SLC39A1: variants seen among roughly 807,000 people sequenced by gnomAD.
SLC39A1 encodes the protein zinc transporter ZIP1.
In SLC39A1, 17 loss-of-function variants were observed where a neutral mutation model predicts 21.4. The ratio of observed to expected loss-of-function variants is 0.79; its 90% CI spans 0.54 to 1.19. The LOEUF (loss-of-function observed/expected upper bound fraction) is 1.19. Ranked by LOEUF, SLC39A1 falls within the 50% of genes most tolerant of loss-of-function variation. The pLI, the probability that SLC39A1 is intolerant of heterozygous loss-of-function variation, is 0.00. For synonymous variants in SLC39A1, 183 were observed against 185.9 expected, an observed-to-expected ratio of 0.98 and a Z score of 0.13; for missense variants, 343 against 399.8, an observed-to-expected ratio of 0.86 and a Z score of 1.21.
chr1:153,964,873 G>C (rs1432050189), upstream of SLC39A1: 2 of 152,048 alleles, frequency 1.3e-5, no homozygotes, highest in African/African-American at 4.8e-5. Flanking sequence ...CCGGGAGCCG[G>C]AAATTGCAGT....
intron 1 of SLC39A1, chr1:153,962,981 G>T: frequency 2.6e-6 from 1 of 385,344 alleles, no homozygotes. Context: ...CATGAGAAAG[G>T]CTGTATGGAT....
upstream of SLC39A1, chr1:153,967,247 CT>C (rs1557880368): frequency 6.6e-6 from 1 of 152,276 alleles, no homozygotes; most frequent in African/African-American, 2.4e-5. Context: ...CACTGCTCGG[CT>C]TGCGGACGGG....
chr1:153,962,432 C>A (rs781084732), intron 2 of SLC39A1, 82 bp from the exon 3 acceptor site: 101 of 1,577,408 alleles, frequency 6.4e-5, no homozygotes, highest in Non-Finnish European at 8.5e-5. Context: ...CAATGGCTAC[C>A]CTTGCCTTTC....
chr1:153,961,948 G>A (rs547474026), intron 3 of SLC39A1, among the ~76,000 whole-genome samples: 1 of 152,142 alleles, frequency 6.6e-6, no homozygotes, highest in Non-Finnish European at 1.5e-5. Context: ...CTTGCTGGTA[G>A]CTAGAACTGA....
Position 153,959,824 on chromosome 1 carries a change from A to G in SLC39A1, c.*274T>C, listed in dbSNP as rs985997859. On this transcript the variant is annotated 3_prime_UTR_variant, in exon 4 of 4. Transcript: ENST00000356205. ...TGTATAGTGTCCAACCTCTGATTCTAGCAGTCAAGTGTCTTCCCCAATCCT... is the reference window on the plus strand; with the variant it reads ...TGTATAGTGTCCAACCTCTGATTCTGGCAGTCAAGTGTCTTCCCCAATCCT... 3 of 439,070 alleles carry G rather than the reference A, an allele frequency of 6.8e-6. No individual in the cohort carries two copies. The highest frequency in any genetic ancestry group is 4.1e-6 in the Non-Finnish European group (1 of 242,436). 27.2% of individuals were successfully genotyped at this position (439,070 alleles called of 1,614,324 possible).
In SLC39A1 at chr1:153,959,323, T is replaced by C; in HGVS notation, c.*775A>G. On this transcript the variant is annotated 3_prime_UTR_variant, in exon 4 of 4. Transcript: ENST00000356205. ...ATCTGGGCATGGGACACCATGTCCATGTCCCCATATTCCTAGGGTACAGCA... is the reference window on the plus strand; with the variant it reads ...ATCTGGGCATGGGACACCATGTCCACGTCCCCATATTCCTAGGGTACAGCA... 2.5e-6 allele frequency: 1 copy of C among 398,988 alleles called. No homozygotes were observed. The highest frequency in any genetic ancestry group is 3.6e-5 in the East Asian group (1 of 28,072). The allele number at this position is 398,988 out of a possible 1,614,324, so 24.7% of individuals were successfully genotyped here. A position where few individuals can be genotyped will look rare whatever the true frequency, so the allele number is the denominator to read the frequency against.
rs370004083 is a variant in SLC39A1, at chr1:153,962,303, C to G, written c.235G>C (p.Val79Leu). Residue 79 changes from valine to leucine, a missense_variant, in exon 3 of 4, where the codon GTC becomes CTC. Physicochemically the swap from Val to Leu is conservative, Grantham distance 32 (BLOSUM62 1). Coordinates refer to ENST00000356205, the MANE Select transcript of SLC39A1 (RefSeq NM_001271958.2). ...TCCAGGAGACAAGTGGCCAAAAAGACGCCCCCCGCGAAACAGCTTACTAGG... is the reference window on the plus strand; with the variant it reads ...TCCAGGAGACAAGTGGCCAAAAAGAGGCCCCCCGCGAAACAGCTTACTAGG... Reference protein sequence around the residue: ...LSLVSCFAGGVFLATCLLDLL... With the variant: ...LSLVSCFAGGLFLATCLLDLL... 3.1e-6 allele frequency: 5 copies of G among 1,614,014 alleles called. No individual in the cohort carries two copies. The East Asian group carries it at 1.1e-4, about 36-fold the overall frequency.
At chr1:153,962,400 G>C in intron 2 of SLC39A1, 50 bp from the exon 3 acceptor site, 1 of 1,595,498 alleles carries the variant, frequency 6.3e-7, no homozygotes, top group Non-Finnish European at 8.6e-7. Context: ...ACCCCCTCCA[G>C]GGCCGACCAC....
chr1:153,962,311 G>C lies in SLC39A1; in HGVS notation c.227C>G (p.Ala76Gly), dbSNP rs140573490. Reference sequence around the variant, plus strand: ...ACAAGTGGCCAAAAAGACGCCCCCCGCGAAACAGCTTACTAGGCTCAGGGC... The same window carrying C: ...ACAAGTGGCCAAAAAGACGCCCCCCCCGAAACAGCTTACTAGGCTCAGGGC... Reference protein sequence around the residue: ...QKALSLVSCFAGGVFLATCLL... With the variant: ...QKALSLVSCFGGGVFLATCLL... Residue 76 changes from alanine to glycine, a missense_variant, in exon 3 of 4, where the codon GCG becomes GGG. Physicochemically the swap from Ala to Gly is moderately conservative, Grantham distance 60. Coordinates refer to ENST00000356205, the MANE Select transcript of SLC39A1 (RefSeq NM_001271958.2). The C allele has an allele frequency of 6.2e-7, 1 of 1,614,112 alleles. No homozygotes were observed.
At chr1:153,965,508 A>G (rs1422699465), upstream of SLC39A1, among the ~76,000 whole-genome samples, 1 of 152,206 alleles carries the variant, frequency 6.6e-6, no homozygotes, top group Non-Finnish European at 1.5e-5. Flanking sequence ...ATTACTTCAC[A>G]TATTTATTTG....
Position 153,962,513 on chromosome 1 carries a change from A to G in SLC39A1, c.187+16T>C, listed in dbSNP as rs1371060988. 4 of 1,605,870 alleles carry G rather than the reference A, an allele frequency of 2.5e-6. No individual in the cohort carries two copies. Among genetic ancestry groups the G allele is most frequent in the Non-Finnish European group, 3.4e-6 (4 of 1,175,376 alleles). ...GCCAAGCATTCATAGCAGTGTGGGG[A>G]AAAGGAGAGGCTTACCTGAGCCTTC... On this transcript the variant is annotated intron_variant, in intron 2 of 3. Coordinates refer to ENST00000356205, the MANE Select transcript of SLC39A1 (RefSeq NM_001271958.2).
chr1:153,962,956 C>A (rs1020491473), intron 1 of SLC39A1: 1 of 419,278 alleles, frequency 2.4e-6, no homozygotes, highest in Non-Finnish European at 4.2e-6. Flanking sequence ...GGAGACTGCA[C>A]GGGGGAAACC....
chr1:153,962,485 T>A, intron 2 of SLC39A1, 44 bp downstream of exon 2: 1 of 1,591,232 alleles, frequency 6.3e-7, no homozygotes. Context: ...GAGCCCTCCC[T>A]AAGCCAAGCA....
chr1:153,967,249 T>G (rs1647846834), upstream of SLC39A1: 1 of 152,238 alleles, frequency 6.6e-6, no homozygotes, highest in Non-Finnish European at 1.5e-5. Context: ...CTGCTCGGCT[T>G]GCGGACGGGG....
At chr1:153,967,508 G>A (rs937055598), upstream of SLC39A1, 3 of 152,292 alleles carry the variant, frequency 2.0e-5, no homozygotes, top group East Asian at 3.9e-4. Context: ...CCCGCCGGCC[G>A]GACGCAGTGG....
At chr1:153,961,880 A>G (rs1449419159) in intron 3 of SLC39A1, among the ~76,000 whole-genome samples, 5 of 151,974 alleles carry the variant, frequency 3.3e-5, no homozygotes, top group Admixed American at 3.3e-4. Flanking sequence ...GCCTACAGAG[A>G]CCTCTATCTC....
In SLC39A1 at chr1:153,959,661, GA is replaced by G. The variant is rs1647238250; in HGVS notation, c.*436del. 2 of 238,368 alleles carry G rather than the reference GA, an allele frequency of 8.4e-6. No individual in the cohort carries two copies. The highest frequency in any genetic ancestry group is 1.6e-5 in the Non-Finnish European group (2 of 123,274). The allele number at this position is 238,368 out of a possible 1,614,324, so 14.8% of individuals were successfully genotyped here. On this transcript the variant is annotated 3_prime_UTR_variant, in exon 4 of 4. Coordinates refer to ENST00000356205, the MANE Select transcript of SLC39A1 (RefSeq NM_001271958.2). Reference sequence around the variant, plus strand: ...TGAGGGTAGGCGCTAAGAAGAGTAGGAGGGGTCCACTCCAAGTGGCAGGGTG... The same window carrying G: ...TGAGGGTAGGCGCTAAGAAGAGTAGGGGGGTCCACTCCAAGTGGCAGGGTG...
rs1194139454 is a variant in SLC39A1, at chr1:153,962,754, A to G, written c.-32-7T>C. On this transcript the variant is annotated splice_region_variant and splice_polypyrimidine_tract_variant and intron_variant, in intron 1 of 3. Coordinates refer to ENST00000356205, the MANE Select transcript of SLC39A1 (RefSeq NM_001271958.2). Reference sequence around the variant, plus strand: ...GCTCCAGTGACTCTCAGACCTAGGAAGACAGACCAGAGTGGTTGGGAAAAA... The same window carrying G: ...GCTCCAGTGACTCTCAGACCTAGGAGGACAGACCAGAGTGGTTGGGAAAAA... 2 of 1,491,450 alleles carry G rather than the reference A, an allele frequency of 1.3e-6. No individual in the cohort carries two copies. The highest frequency in any genetic ancestry group is 1.8e-6 in the Non-Finnish European group (2 of 1,121,184). 92.4% of individuals were successfully genotyped at this position (1,491,450 alleles called of 1,614,324 possible).
chr1:153,963,052 A>T (rs1647578640), intron 1 of SLC39A1: 1 of 228,764 alleles, frequency 4.4e-6, no homozygotes, highest in African/African-American at 2.3e-5. Context: ...CCGCCTCCAA[A>T]TAGGACCTGG....
Sources: allele counts gnomAD v4.1 joint callset (sites outside exome capture counted in the v4.1 genomes callset), GRCh38; gene constraint gnomAD v4.1.1; transcripts MANE v1.5; gene names NCBI Gene and HGNC (gene_info 2026-07-23, HGNC 2026-07-21).